Variants in VAV2 observed in about 807,000 individuals in gnomAD.
VAV2 encodes guanine nucleotide exchange factor VAV2.
Under a neutral mutation model 132.5 loss-of-function variants are expected in VAV2, and 67 were observed. That is an observed-to-expected ratio of 0.51 (90% CI 0.42 to 0.62). The LOEUF is 0.62. VAV2 is among the 20% of genes least tolerant of loss of function. VAV2 has a pLI of 0.00. For synonymous variants in VAV2, 492 were observed against 443.5 expected (o/e 1.11, Z -1.37); for missense variants, 938 against 1,153.6 (o/e 0.81, Z 2.71).
chr9:133,818,144 C>G (rs1365646951), intron 4 of VAV2, among the ~76,000 whole-genome samples: 1 of 152,098 alleles, frequency 6.6e-6, no homozygotes, highest in Non-Finnish European at 1.5e-5. Context: ...GTGGGCAGAT[C>G]ACGAGGTCAG....
intron 2 of VAV2, among the ~76,000 whole-genome samples, chr9:133,887,748 G>A (rs892075596): frequency 7.9e-5 from 12 of 152,042 alleles, no homozygotes; most frequent in African/African-American, 1.9e-4. Context: ...CTGACACGGC[G>A]ATCAGCGAGG....
At chr9:133,864,711 C>A (rs1004139846) in intron 2 of VAV2, among the ~76,000 whole-genome samples, 6 of 152,248 alleles carry the variant, frequency 3.9e-5, no homozygotes, top group Non-Finnish European at 8.8e-5. Context: ...GCCCTCTGTC[C>A]CCTAAGGACT....
At chr9:133,818,095 C>T (rs148652520) in intron 4 of VAV2, among the ~76,000 whole-genome samples, 5,089 of 151,920 alleles carry the variant, frequency 0.033, 108 homozygotes, top group Non-Finnish European at 0.055. Flanking sequence ...CCGGGCGCGG[C>T]GGCTCACGCC....
At chr9:133,867,544 T>C (rs1837855177) in intron 2 of VAV2, among the ~76,000 whole-genome samples, 1 of 152,136 alleles carries the variant, frequency 6.6e-6, no homozygotes, top group South Asian at 2.1e-4. Context: ...GGAGGGAATC[T>C]CCCTTTCCAG....
intron 2 of VAV2, among the ~76,000 whole-genome samples, chr9:133,936,857 G>A (rs1315945310): frequency 6.6e-6 from 1 of 152,194 alleles, no homozygotes; most frequent in Admixed American, 6.5e-5. Context: ...TGAGACATGG[G>A]GAGACCAGAG....
At chr9:133,963,508 C>T (rs1483282439) in intron 1 of VAV2, among the ~76,000 whole-genome samples, 6 of 152,202 alleles carry the variant, frequency 3.9e-5, no homozygotes. Context: ...GTCGTGCCGA[C>T]AGGCAGCTCT....
intron 5 of VAV2, among the ~76,000 whole-genome samples, chr9:133,810,520 T>C (rs1588207971): frequency 6.6e-6 from 1 of 152,202 alleles, no homozygotes; most frequent in Non-Finnish European, 1.5e-5. Flanking sequence ...GGGAAGGACA[T>C]GGAGCAGCTG....
At chr9:133,850,923 TCCTCCC>T (rs1837142630) in intron 3 of VAV2, among the ~76,000 whole-genome samples, 13 of 152,288 alleles carry the variant, frequency 8.5e-5, no homozygotes, top group African/African-American at 2.9e-4. Context: ...ACCTAGGATG[TCCTCCC>T]CCATCATGGT....
intron 16 of VAV2, among the ~76,000 whole-genome samples, chr9:133,786,341 T>G (rs1347535871): frequency 2.0e-5 from 3 of 150,420 alleles, no homozygotes; most frequent in African/African-American, 7.4e-5. Flanking sequence ...CCATGCTGTG[T>G]GAGCTCTCCT....
chr9:133,825,507 C>A (rs1389317255), intron 4 of VAV2, among the ~76,000 whole-genome samples: 1 of 152,148 alleles, frequency 6.6e-6, no homozygotes, highest in Non-Finnish European at 1.5e-5. Context: ...GAAAAACAAT[C>A]CTCTGGGGTG....
chr9:133,768,577 G>A lies in VAV2; in HGVS notation c.2454C>T (p.Ile818=), dbSNP rs61751477. Residue 818 remains isoleucine (I), a synonymous_variant, in exon 29 of 30, where the codon ATC becomes ATT. Transcript: ENST00000371850. The surrounding 1 kb of genome is among the most constrained non-coding windows in gnomAD (Gnocchi z 5.3). The stretch of plus-strand genomic sequence containing the variant: ...AGTTATACCTGGCCACAGCTGTGCC[G>A]ATGACGCGGGGCGTGAACACTGTTG... ...PFWSVFTPRV[I]GTAVARYNFA... 23 of 1,613,754 alleles carry A rather than the reference G, an allele frequency of 1.4e-5. No individual in the cohort carries two copies. Among genetic ancestry groups the A allele is most frequent in the South Asian group, 6.6e-5 (6 of 91,082 alleles).
At chr9:133,959,421 A>C (rs1010293497) in intron 1 of VAV2, among the ~76,000 whole-genome samples, 1 of 151,784 alleles carries the variant, frequency 6.6e-6, no homozygotes, top group Non-Finnish European at 1.5e-5. Context: ...CAGGGTGACC[A>C]CCTCTCAAGC....
chr9:133,799,507 C>G (rs1018576874), intron 9 of VAV2, among the ~76,000 whole-genome samples: 1 of 152,216 alleles, frequency 6.6e-6, no homozygotes. Flanking sequence ...CACCCATGGC[C>G]GGTCCCACAT....
Position 133,919,496 on chromosome 9 carries a change from T to A in VAV2, c.321+19607A>T, listed in dbSNP as rs932276518. On this transcript the variant is annotated intron_variant, in intron 2 of 29. Coordinates refer to ENST00000371850, the MANE Select transcript of VAV2 (RefSeq NM_001134398.2). This position sits in a 1 kb window ranked among gnomAD's most constrained non-coding sequence, Gnocchi z 5.8. ...CCCGGCTCCCAGCCCAGGGACTCAC[T>A]GTCCCCCGGGGCCAGGTCGGCTGGC... 6.6e-6 allele frequency among the ~76,000 whole-genome samples: 1 copy of A among 152,176 alleles called. No individual in the cohort carries two copies. The highest frequency in any genetic ancestry group is 2.1e-4 in the South Asian group (1 of 4,824).
intron 3 of VAV2, among the ~76,000 whole-genome samples, chr9:133,844,325 G>A (rs1480299614): frequency 6.6e-6 from 1 of 152,202 alleles, no homozygotes; most frequent in Non-Finnish European, 1.5e-5. Flanking sequence ...TCCCCGGTGA[G>A]CATGCAGAGC....
rs113047487 is a variant in VAV2, at chr9:133,927,075, C to A, written c.321+12028G>T. Among the ~76,000 whole-genome samples, 14 of 150,946 alleles carry A rather than the reference C, an allele frequency of 9.3e-5. No individual in the cohort carries two copies. The South Asian group carries it at 1.1e-3, about 12-fold the overall frequency. ...TTGCTTTACTCAGGCTGAGTCCCCC[C>A]CTACACATGCTCTTATCAGGACCTA... On this transcript the variant is annotated intron_variant, in intron 2 of 29. Transcript: ENST00000371850.
At chr9:133,839,604 G>T (rs2993801) in intron 3 of VAV2, among the ~76,000 whole-genome samples, 1 of 152,020 alleles carries the variant, frequency 6.6e-6, no homozygotes, top group Non-Finnish European at 1.5e-5. Context: ...CGCCCACCCC[G>T]ACGTCCAGCT....
In VAV2 at chr9:133,883,007, G is replaced by A. The variant is rs569935785; in HGVS notation, c.322-21575C>T. ...GCCTCTGGCACCCTGGGTTCGGGAT[G>A]TGGGCCCCACACCCACCCCATGCCA... On this transcript the variant is annotated intron_variant, in intron 2 of 29. Coordinates refer to ENST00000371850, the MANE Select transcript of VAV2 (RefSeq NM_001134398.2). This position sits in a 1 kb window ranked among gnomAD's most constrained non-coding sequence, Gnocchi z 4.2. Among the ~76,000 whole-genome samples the A allele has an allele frequency of 3.3e-4, 50 of 152,240 alleles. No individual in the cohort carries two copies. Among genetic ancestry groups the A allele is most frequent in the African/African-American group, 1.1e-3 (44 of 41,550 alleles).
intron 1 of VAV2, among the ~76,000 whole-genome samples, chr9:133,940,672 C>CGCGTGT (rs71503365): frequency 1.4e-5 from 2 of 139,240 alleles, no homozygotes; most frequent in African/African-American, 5.1e-5. Context: ...TGTCCACGTG[C>CGCGTGT]GTGTGTGTGT....
Sources: allele counts gnomAD v4.1 joint callset (sites outside exome capture counted in the v4.1 genomes callset), GRCh38; gene constraint gnomAD v4.1.1; non-coding constraint Gnocchi (gnomAD v3.1); transcripts MANE v1.5; gene names NCBI Gene and HGNC (gene_info 2026-07-23, HGNC 2026-07-21).